The following PARP10 variants were observed in gnomAD, a reference collection of about 807,000 sequenced individuals.
PARP10 encodes poly(ADP-ribose) polymerase family member 10.
PARP10 carries 56 observed loss-of-function variants against 82.4 expected under a neutral mutation model. The ratio of observed to expected loss-of-function variants is 0.68; its 90% CI spans 0.55 to 0.85. The LOEUF is 0.85. Among genes scored for constraint, PARP10 ranks in the 40% least tolerant of loss-of-function variants. The pLI is 0.00. For missense variants in PARP10, 1,227 were observed against 1,379.4 expected (o/e 0.89, Z 1.75); for synonymous variants, 576 against 601.1 (o/e 0.96, Z 0.61).
At position 143,985,188 on chromosome 8, in the gene PARP10, C is replaced by A. The variant is rs782139489; in HGVS notation, c.814G>T (p.Ala272Ser). 31 of 1,614,040 alleles carry A rather than the reference C, an allele frequency of 1.9e-5. No homozygotes were observed. Among genetic ancestry groups the A allele is most frequent in the Non-Finnish European group, 2.6e-5 (31 of 1,180,046 alleles). The change falls in exon 5 of 11, where the codon GCT (alanine) becomes TCT (serine). Residue 272 changes from alanine to serine, a missense_variant. Coordinates refer to ENST00000313028, the MANE Select transcript of PARP10 (RefSeq NM_032789.5). ...GDHPSTQGPRATKHALLRTGG... is the reference protein window; with the variant it reads ...GDHPSTQGPRSTKHALLRTGG... ...GTCCTCAGGAGAGCATGCTTGGTAG[C>A]CCTAGGCCCCTGGGTGGACGGGTGG...
At chr8:143,980,466 G>A (rs576112778) in intron 9 of PARP10, among the ~76,000 whole-genome samples, 1 of 150,540 alleles carries the variant, frequency 6.6e-6, no homozygotes, top group Non-Finnish European at 1.5e-5. Context: ...AGGTTGCAGT[G>A]AGCCGAGATC....
At chr8:143,979,648 C>T (rs888153028) in intron 9 of PARP10, among the ~76,000 whole-genome samples, 4 of 152,298 alleles carry the variant, frequency 2.6e-5, no homozygotes, top group Admixed American at 6.5e-5. Context: ...CAGTGGCTCA[C>T]GCCTGTAATC....
At chr8:144,006,257 G>A (rs1834235930) in intron 1 of PARP10, among the ~76,000 whole-genome samples, 1 of 152,232 alleles carries the variant, frequency 6.6e-6, no homozygotes, top group Non-Finnish European at 1.5e-5. Flanking sequence ...AGTGTGTTAA[G>A]CTTTACTCTG....
chr8:143,992,856 G>A (rs373128624), upstream of PARP10: 44 of 1,610,274 alleles, frequency 2.7e-5, no homozygotes, highest in South Asian at 1.1e-4. Context: ...GCTCCAGCTC[G>A]CTGTGCCCGC....
chr8:144,007,821 C>T (rs1444254609), intron 1 of PARP10, among the ~76,000 whole-genome samples: 1 of 152,208 alleles, frequency 6.6e-6, no homozygotes, highest in African/African-American at 2.4e-5. Flanking sequence ...GACCCAGGGC[C>T]CATGGGAGAG....
upstream of PARP10, chr8:143,992,170 T>C (rs782464392): frequency 6.2e-7 from 1 of 1,601,938 alleles, no homozygotes; most frequent in Non-Finnish European, 8.5e-7. Context: ...GTTCTCCTTG[T>C]GCTCATGAGG....
In PARP10 at chr8:143,982,967, G is replaced by A; in HGVS notation, c.2521C>T (p.Leu841=). The change falls in exon 9 of 11, where the codon CTG becomes TTG. Residue 841 remains leucine, a synonymous_variant. Coordinates refer to ENST00000313028, the MANE Select transcript of PARP10 (RefSeq NM_032789.5). ...CGGATGCTGCTGCGGGCAGCGTCCAGGGTGTCGTAGAAGGCCCGCACCACC... is the reference window on the plus strand; with the variant it reads ...CGGATGCTGCTGCGGGCAGCGTCCAAGGTGTCGTAGAAGGCCCGCACCACC... ...QEVVRAFYDT[L]DAARSSIRVV... is the part of the protein sequence containing the mutation. 1.9e-6 allele frequency: 3 copies of A among 1,613,924 alleles called. No individual in the cohort carries two copies. Among genetic ancestry groups the A allele is most frequent in the Non-Finnish European group, 2.5e-6 (3 of 1,180,006 alleles).
upstream of PARP10, chr8:143,990,021 A>G (rs1405700223): frequency 1.3e-5 from 2 of 149,944 alleles, no homozygotes; most frequent in South Asian, 2.1e-4. The surrounding 1 kb of genome is among the most constrained non-coding windows in gnomAD (Gnocchi z 5.6). Flanking sequence ...CCCACCCCGA[A>G]GCTCGCCCGG....
intron 1 of PARP10, among the ~76,000 whole-genome samples, chr8:144,001,873 CGTGTGTGT>C (rs57117824): frequency 9.6e-4 from 131 of 136,506 alleles, no homozygotes; most frequent in African/African-American, 3.1e-3. Flanking sequence ...AATATATATA[CGTGTGTGT>C]GTGTGTGTGT....
In PARP10 at chr8:143,983,530, G is replaced by C. The variant is rs539623369; in HGVS notation, c.2059C>G (p.Leu687Val). ...GCCTCCAACGGGGGCTGCTCCAGCAGGGAGAGGGTTAGGGCTTGCCGCAGG... is the reference window on the plus strand; with the variant it reads ...GCCTCCAACGGGGGCTGCTCCAGCACGGAGAGGGTTAGGGCTTGCCGCAGG... ...AALRQALTLS[L>V]LEQPPLEAEE... The change falls in exon 8 of 11, where the codon CTG becomes GTG. Residue 687 changes from leucine to valine, a missense_variant. By Grantham distance (32) the Leu-to-Val change is conservative. Transcript: ENST00000313028. 2.5e-6 allele frequency: 4 copies of C among 1,606,274 alleles called. No individual in the cohort carries two copies. In the Admixed American group the frequency reaches 6.8e-5, roughly 27 times the overall value.
chr8:143,997,496 C>T (rs536328103), intron 1 of PARP10, among the ~76,000 whole-genome samples: 12 of 152,188 alleles, frequency 7.9e-5, no homozygotes, highest in Non-Finnish European at 1.8e-4. Context: ...ACACTCTCAA[C>T]TTTGTGCCCT....
chr8:144,008,233 A>G lies in PARP10; in HGVS notation c.-80+4297T>C, dbSNP rs1044489584. On this transcript the variant is annotated intron_variant, in intron 1 of 3. Transcript: ENST00000530478. This position sits in a 1 kb window ranked among gnomAD's most constrained non-coding sequence, Gnocchi z 4.0. ...CTCTCAGCGCACCCAGCATGGAGGC[A>G]GCACGTTGGGGCCTGTCAGGTGGAT... is the stretch of plus-strand genomic sequence containing the variant. Among the ~76,000 whole-genome samples the G allele has an allele frequency of 6.6e-6, 1 of 152,182 alleles. No individual in the cohort carries two copies. Among genetic ancestry groups the G allele is most frequent in the Non-Finnish European group, 1.5e-5 (1 of 68,034 alleles).
At chr8:143,996,055 G>T (rs569403851), upstream of PARP10, among the ~76,000 whole-genome samples, 4 of 152,024 alleles carry the variant, frequency 2.6e-5, no homozygotes, top group Non-Finnish European at 4.4e-5. Flanking sequence ...CCCTCCCCCA[G>T]ATTACTCAAG....
At chr8:143,986,331 A>T in intron 1 of PARP10, 27 bp downstream of exon 1, 1 of 1,613,986 alleles carries the variant, frequency 6.2e-7, no homozygotes, top group Non-Finnish European at 8.5e-7. Context: ...CTCCCCCATT[A>T]TGGGTGGCCC....
chr8:144,000,740 A>T (rs1291364972), intron 1 of PARP10, among the ~76,000 whole-genome samples: 30 of 152,168 alleles, frequency 2.0e-4, no homozygotes, highest in Admixed American at 2.0e-3. Flanking sequence ...CATATATGTA[A>T]AAAAGCAAAA....
At chr8:143,990,118 G>T (rs1465457555), upstream of PARP10, 2 of 151,244 alleles carry the variant, frequency 1.3e-5, no homozygotes, top group Non-Finnish European at 3.0e-5. This position sits in a 1 kb window ranked among gnomAD's most constrained non-coding sequence, Gnocchi z 5.6. Context: ...CGCCGAGCGG[G>T]TGCGGGTGCG....
At chr8:143,993,584 A>G (rs144831605), upstream of PARP10, among the ~76,000 whole-genome samples, 153 of 152,264 alleles carry the variant, frequency 1.0e-3, no homozygotes, top group African/African-American at 3.4e-3. Context: ...TGGGTTCCCA[A>G]CTGATGGACA....
At chr8:143,979,827 C>A (rs1554747235) in intron 9 of PARP10, among the ~76,000 whole-genome samples, 1 of 151,608 alleles carries the variant, frequency 6.6e-6, no homozygotes, top group Non-Finnish European at 1.5e-5. Context: ...AGATCGAGAC[C>A]ATGGTGAAAC....
chr8:143,982,428 C>T (rs919155295), intron 9 of PARP10, among the ~76,000 whole-genome samples: 8 of 152,074 alleles, frequency 5.3e-5, no homozygotes, highest in African/African-American at 1.9e-4. Context: ...GAGCCGAGAT[C>T]GTGCCACTGC....
Sources: gnomAD v4.1 joint callset for allele counts (sites outside exome capture counted in the v4.1 genomes callset) on GRCh38, gnomAD v4.1.1 for gene constraint, Gnocchi (gnomAD v3.1) non-coding constraint, MANE v1.5 for transcripts, NCBI Gene and HGNC (gene_info 2026-07-23, HGNC 2026-07-21) for gene names.